RBFOX1: variants seen among roughly 807,000 people sequenced by gnomAD.
The protein encoded by RBFOX1 is RNA binding protein fox-1 homolog 1.
Under a neutral mutation model 57.7 loss-of-function variants are expected in RBFOX1, and 8 were observed. The ratio of observed to expected loss-of-function variants is 0.14; its 90% CI spans 0.08 to 0.25. RBFOX1 has a LOEUF of 0.25. Ranked by LOEUF, RBFOX1 falls within the 10% of genes least tolerant of loss-of-function variation. The pLI, the probability that RBFOX1 is intolerant of heterozygous loss-of-function variation, is 1.00. For missense variants in RBFOX1, 611 were observed against 548.5 expected (o/e 1.11, Z -1.14); for synonymous variants, 326 against 222.4 (o/e 1.47, Z -4.15).
intron 3 of RBFOX1, among the ~76,000 whole-genome samples, chr16:7,040,444 A>G (rs1008063895): frequency 6.6e-6 from 1 of 152,216 alleles, no homozygotes; most frequent in South Asian, 2.1e-4. Context: ...CATTTAAATT[A>G]TATTATTATT....
At chr16:6,734,458 G>T (rs76899167) in intron 3 of RBFOX1, among the ~76,000 whole-genome samples, 247 of 152,308 alleles carry the variant, frequency 1.6e-3, no homozygotes, top group Middle Eastern at 3.4e-3. Context: ...TCATGATAAA[G>T]GTCATGGTAT....
At chr16:6,848,121 T>C (rs942703292) in intron 3 of RBFOX1, among the ~76,000 whole-genome samples, 4 of 152,034 alleles carry the variant, frequency 2.6e-5, no homozygotes, top group African/African-American at 9.7e-5. Flanking sequence ...GTGTGAGTCA[T>C]TGTGCCCGAT....
chr16:6,923,788 A>G lies in RBFOX1; in HGVS notation c.-15-128269A>G, dbSNP rs146500098. 1.5e-3 allele frequency among the ~76,000 whole-genome samples: 227 copies of G among 152,246 alleles called. 1 individual carries two copies. The highest frequency in any genetic ancestry group is 4.4e-3 in the African/African-American group (183 of 41,548). ...AATAGTTAGTCTATTTTGGAGTCCAATAAAGGATTTGCCACCTTCTAGCCA... is the reference window on the plus strand; with the variant it reads ...AATAGTTAGTCTATTTTGGAGTCCAGTAAAGGATTTGCCACCTTCTAGCCA... On this transcript the variant is annotated intron_variant, in intron 3 of 15. Transcript: ENST00000550418.
chr16:6,840,362 T>C (rs2093391188), intron 3 of RBFOX1, among the ~76,000 whole-genome samples: 1 of 152,208 alleles, frequency 6.6e-6, no homozygotes, highest in African/African-American at 2.4e-5. Flanking sequence ...TTGGTCCCTG[T>C]ATTTCAGGAT....
chr16:7,110,933 A>G (rs2064623799), intron 4 of RBFOX1, among the ~76,000 whole-genome samples: 1 of 152,198 alleles, frequency 6.6e-6, no homozygotes. Context: ...AAAGGACACC[A>G]GGGCATCCAT....
In RBFOX1 at chr16:6,685,524, G is replaced by A. The variant is rs1297026888; in HGVS notation, c.-16+30874G>A. Reference sequence around the variant, plus strand: ...GCTGCTGTCGAACTCCTCACCTCCGGTGATCCGCGTTCCTCACTCTCCCAA... The same window carrying A: ...GCTGCTGTCGAACTCCTCACCTCCGATGATCCGCGTTCCTCACTCTCCCAA... On this transcript the variant is annotated intron_variant, in intron 3 of 15. Transcript: ENST00000550418. 3.3e-5 allele frequency among the ~76,000 whole-genome samples: 5 copies of A among 150,038 alleles called. 1 individual carries two copies. The highest frequency in any genetic ancestry group is 7.4e-5 in the Non-Finnish European group (5 of 67,742).
chr16:7,085,371 A>G (rs1005276401), intron 4 of RBFOX1, among the ~76,000 whole-genome samples: 2 of 152,012 alleles, frequency 1.3e-5, no homozygotes, highest in African/African-American at 2.4e-5. Context: ...AAAAAAATAT[A>G]TATGTGCAAG....
chr16:5,519,973 C>T (rs1467937864), intron 2 of RBFOX1, among the ~76,000 whole-genome samples: 1 of 152,214 alleles, frequency 6.6e-6, no homozygotes, highest in African/African-American at 2.4e-5. Context: ...ATCTCCTGCC[C>T]TCAGGGAGAT....
At chr16:6,693,342 C>T (rs1202902251) in intron 3 of RBFOX1, among the ~76,000 whole-genome samples, 1 of 151,398 alleles carries the variant, frequency 6.6e-6, no homozygotes, top group South Asian at 2.1e-4. Flanking sequence ...CATCCGTCTC[C>T]ACTAGCATCA....
chr16:6,196,570 A>T (rs573343810), intron 1 of RBFOX1, among the ~76,000 whole-genome samples: 3 of 152,254 alleles, frequency 2.0e-5, no homozygotes, highest in African/African-American at 7.2e-5. Flanking sequence ...CCACCCCCCA[A>T]ATGTGAATTA....
In RBFOX1 at chr16:5,433,872, G is replaced by A. The variant is rs374507427; in HGVS notation, c.220-33344G>A. Among the ~76,000 whole-genome samples the A allele has an allele frequency of 2.6e-5, 4 of 152,144 alleles. No homozygotes were observed. In the East Asian group the frequency reaches 5.8e-4, roughly 22 times the overall value. On this transcript the variant is annotated intron_variant, in intron 1 of 2. Coordinates refer to the RBFOX1 transcript ENST00000585867. ...GTTATTACATGGATGGATGGAAAAC[G>A]TAGGAGACCGAGGACGTTAGAGACA...
intron 3 of RBFOX1, among the ~76,000 whole-genome samples, chr16:6,743,303 T>C (rs1202563923): frequency 2.0e-5 from 3 of 152,180 alleles, no homozygotes; most frequent in Admixed American, 6.5e-5. Flanking sequence ...CAATAGGTTA[T>C]AGGTTTAAAC....
chr16:7,376,668 T>C (rs2097691256), intron 4 of RBFOX1, among the ~76,000 whole-genome samples: 1 of 152,246 alleles, frequency 6.6e-6, no homozygotes, highest in African/African-American at 2.4e-5. Context: ...CGGTGCTTTT[T>C]GTTTTCATGG....
At chr16:6,222,791 G>A (rs1795467906) in intron 1 of RBFOX1, among the ~76,000 whole-genome samples, 1 of 151,532 alleles carries the variant, frequency 6.6e-6, no homozygotes, top group South Asian at 2.1e-4. Flanking sequence ...ATGGTGGTGT[G>A]CTGCACCCAT....
chr16:7,676,237 G>C (rs1020416630), intron 13 of RBFOX1, among the ~76,000 whole-genome samples: 1 of 152,130 alleles, frequency 6.6e-6, no homozygotes, highest in Non-Finnish European at 1.5e-5. Flanking sequence ...GACAGCTACA[G>C]ACATTCTTCA....
intron 2 of RBFOX1, among the ~76,000 whole-genome samples, chr16:5,475,680 G>A (rs528363127): frequency 1.3e-5 from 2 of 152,358 alleles, no homozygotes; most frequent in South Asian, 4.1e-4. Flanking sequence ...TGAGGAGCCA[G>A]TCCTTTGCTT....
At chr16:6,359,434 G>A (rs551862051) in intron 2 of RBFOX1, among the ~76,000 whole-genome samples, 2 of 152,272 alleles carry the variant, frequency 1.3e-5, no homozygotes, top group South Asian at 2.1e-4. Flanking sequence ...TCATTACTCG[G>A]TGAAGGTGGA....
intron 4 of RBFOX1, among the ~76,000 whole-genome samples, chr16:5,941,913 G>A (rs1446891734): frequency 6.6e-6 from 1 of 151,530 alleles, no homozygotes; most frequent in African/African-American, 2.4e-5. Flanking sequence ...AATGTACCTG[G>A]TATGAACTTT....
At chr16:5,632,218 G>C (rs2048533200) in intron 3 of RBFOX1, among the ~76,000 whole-genome samples, 1 of 152,184 alleles carries the variant, frequency 6.6e-6, no homozygotes, top group African/African-American at 2.4e-5. Flanking sequence ...TTCTGTATTA[G>C]AGACGATGTC....
Sources: allele counts gnomAD v4.1 joint callset (sites outside exome capture counted in the v4.1 genomes callset), GRCh38; gene constraint gnomAD v4.1.1; transcripts MANE v1.5; gene names NCBI Gene and HGNC (gene_info 2026-07-23, HGNC 2026-07-21).